CALN1: variants seen among roughly 807,000 people sequenced by gnomAD.
CALN1 encodes calcium-binding protein 8.
A neutral mutation model predicts 30.6 loss-of-function variants in CALN1; 17 were observed. The observed-to-expected ratio is 0.56, with a 90% CI of 0.38 to 0.83. The LOEUF (loss-of-function observed/expected upper bound fraction) is 0.83. Ranked by LOEUF, CALN1 falls within the 40% of genes least tolerant of loss-of-function variation. The pLI, the probability that CALN1 is intolerant of heterozygous loss-of-function variation, is 0.00. For missense variants in CALN1, 291 were observed against 354.9 expected, an observed-to-expected ratio of 0.82 and a Z score of 1.45; for synonymous variants, 156 against 131.4, an observed-to-expected ratio of 1.19 and a Z score of -1.28.
At chr7:72,335,255 G>A (rs970407711) in intron 2 of CALN1, among the ~76,000 whole-genome samples, 7 of 152,194 alleles carry the variant, frequency 4.6e-5, no homozygotes, top group Non-Finnish European at 7.3e-5. Flanking sequence ...CTAGCCTCAA[G>A]ACAATTTCAC....
chr7:72,274,133 T>C (rs1797186724), intron 3 of CALN1, among the ~76,000 whole-genome samples: 1 of 152,092 alleles, frequency 6.6e-6, no homozygotes, highest in African/African-American at 2.4e-5. Context: ...TAAATTAAGA[T>C]ATATTTATAT....
At chr7:72,501,765 T>C in the CALN1 span, among the ~76,000 whole-genome samples, 48 of 149,958 alleles carry the variant, frequency 3.2e-4, no homozygotes, top group Non-Finnish European at 5.3e-4. Context: ...AAAAATTAGC[T>C]GGGCGTGGTG....
At chr7:72,472,268 G>A in the CALN1 span, among the ~76,000 whole-genome samples, 1 of 152,118 alleles carries the variant, frequency 6.6e-6, no homozygotes, top group Non-Finnish European at 1.5e-5. Flanking sequence ...CATTTGCAAG[G>A]CCATACATCC....
chr7:71,801,428 G>GTATGTATCTATCTATC lies in CALN1; in HGVS notation c.658+8907_658+8908insGATAGATAGATACATA, dbSNP rs1461292230. Among the ~76,000 whole-genome samples, 768 of 87,660 alleles carry GTATGTATCTATCTATC rather than the reference G, an allele frequency of 8.8e-3. 7 individuals are homozygous for GTATGTATCTATCTATC. Among genetic ancestry groups the GTATGTATCTATCTATC allele is most frequent in the Non-Finnish European group, 0.012 (543 of 44,638 alleles). 57.5% of individuals were successfully genotyped at this position (87,660 alleles called of 152,430 possible). ...TGTATGTATGTATGTATGTATGTATGTATCTATCTATCTATCTATCTATCT... is the reference window on the plus strand; with the variant it reads ...TGTATGTATGTATGTATGTATGTATGTATGTATCTATCTATCTATCTATCTATCTATCTATCTATCT... On this transcript the variant is annotated intron_variant, in intron 6 of 6. Transcript: ENST00000395275.
At chr7:71,827,989 G>A (rs1363683980) in intron 5 of CALN1, among the ~76,000 whole-genome samples, 1 of 151,926 alleles carries the variant, frequency 6.6e-6, no homozygotes, top group African/African-American at 2.4e-5. Context: ...GGAGATGAGG[G>A]CATGTGTTTC....
At chr7:72,457,657 T>C in the CALN1 span, among the ~76,000 whole-genome samples, 1 of 152,022 alleles carries the variant, frequency 6.6e-6, no homozygotes, top group African/African-American at 2.4e-5. Flanking sequence ...CCTGAAACAG[T>C]CACCACACTG....
chr7:72,104,956 C>T (rs1483564450), intron 4 of CALN1, among the ~76,000 whole-genome samples: 2 of 149,984 alleles, frequency 1.3e-5, no homozygotes, highest in African/African-American at 4.9e-5. Flanking sequence ...GACTCCGTCT[C>T]TAAAATAAAT....
chr7:71,984,427 C>G (rs1228392069), intron 5 of CALN1, among the ~76,000 whole-genome samples: 1 of 152,196 alleles, frequency 6.6e-6, no homozygotes, highest in Admixed American at 6.5e-5. Flanking sequence ...TATCATCCTT[C>G]AAAGTCACAA....
chr7:72,103,910 C>A (rs184415508), intron 4 of CALN1, among the ~76,000 whole-genome samples: 1 of 152,168 alleles, frequency 6.6e-6, no homozygotes, highest in Admixed American at 6.5e-5. Context: ...TTGGGATAGA[C>A]CATCCCAAAA....
intron 5 of CALN1, 44 bp downstream of exon 5, chr7:72,023,613 C>T (rs1162071294): frequency 7.0e-7 from 1 of 1,430,416 alleles, no homozygotes. Flanking sequence ...GTCTCAGACA[C>T]ATTTACTGTC....
intron 5 of CALN1, among the ~76,000 whole-genome samples, chr7:72,005,818 G>A (rs1799743812): frequency 6.6e-6 from 1 of 152,094 alleles, no homozygotes; most frequent in Non-Finnish European, 1.5e-5. Flanking sequence ...TGGGAATGAG[G>A]AGATGTTGTC....
chr7:72,139,101 A>G (rs1177946943), intron 3 of CALN1, among the ~76,000 whole-genome samples: 1 of 152,092 alleles, frequency 6.6e-6, no homozygotes, highest in Non-Finnish European at 1.5e-5. Context: ...TTCAGCTTCA[A>G]ATTTCTCACT....
chr7:72,455,625 C>T, the CALN1 span, among the ~76,000 whole-genome samples: 1 of 151,990 alleles, frequency 6.6e-6, no homozygotes, highest in African/African-American at 2.4e-5. Context: ...ATCGTGAGGA[C>T]TGAGTTACTC....
Position 72,275,501 on chromosome 7 carries a change from C to T in CALN1, c.244+3185G>A, listed in dbSNP as rs941550562. Among the ~76,000 whole-genome samples the T allele has an allele frequency of 2.0e-5, 3 of 152,176 alleles. No homozygotes were observed. The East Asian group carries it at 5.8e-4, about 29-fold the overall frequency. ...ATGCTTGTAATAAACCAGGAACAGT[C>T]ATAACTCAGTGTTCGCCTTGGCAAA... On this transcript the variant is annotated intron_variant, in intron 3 of 6. Transcript: ENST00000395275.
intron 2 of CALN1, among the ~76,000 whole-genome samples, chr7:72,373,443 A>C (rs1304805202): frequency 6.6e-6 from 1 of 152,222 alleles, no homozygotes; most frequent in Non-Finnish European, 1.5e-5. Flanking sequence ...GTGCAAAATC[A>C]ATACTCAGTC....
chr7:72,324,573 T>C (rs1801135194), intron 2 of CALN1, among the ~76,000 whole-genome samples: 1 of 146,760 alleles, frequency 6.8e-6, no homozygotes, highest in Non-Finnish European at 1.5e-5. Context: ...TATTTATTTA[T>C]TTATTTATTT....
intron 1 of CALN1, among the ~76,000 whole-genome samples, chr7:72,441,720 T>C (rs1808351801): frequency 6.6e-6 from 1 of 150,490 alleles, no homozygotes; most frequent in African/African-American, 2.4e-5. Context: ...AGGAAGCACC[T>C]CCCTCCCAAT....
At chr7:72,322,668 G>A (rs1800966972) in intron 2 of CALN1, among the ~76,000 whole-genome samples, 3 of 152,036 alleles carry the variant, frequency 2.0e-5, no homozygotes, top group Non-Finnish European at 4.4e-5. Flanking sequence ...GCTGGGAAGG[G>A]TAGTGGGGGA....
At chr7:72,207,766 A>G (rs777750381) in intron 3 of CALN1, among the ~76,000 whole-genome samples, 3 of 152,212 alleles carry the variant, frequency 2.0e-5, no homozygotes, top group Non-Finnish European at 4.4e-5. Context: ...GATAATGGTT[A>G]TATATGACAG....
Sources: allele counts gnomAD v4.1 joint callset (sites outside exome capture counted in the v4.1 genomes callset), GRCh38; gene constraint gnomAD v4.1.1; transcripts MANE v1.5; gene names NCBI Gene and HGNC (gene_info 2026-07-23, HGNC 2026-07-21).